Variants in BLM observed in about 807,000 individuals in gnomAD.
The protein encoded by BLM is BLM RecQ like helicase.
Under a neutral mutation model 135.3 loss-of-function variants are expected in BLM, and 95 were observed. The ratio of observed to expected loss-of-function variants is 0.70; its 90% CI spans 0.59 to 0.83. The LOEUF (loss-of-function observed/expected upper bound fraction) is 0.83, where lower values mean the gene tolerates loss of function less well. Among genes scored for constraint, BLM ranks in the 40% least tolerant of loss-of-function variants. The pLI, the probability that BLM is intolerant of heterozygous loss-of-function variation, is 0.00. For synonymous variants in BLM, 520 were observed against 589.2 expected (o/e 0.88, Z 1.70); for missense variants, 1,518 against 1,663.9 (o/e 0.91, Z 1.53).
chr15:90,808,963 C>T (rs1223575726), intron 19 of BLM, 174 bp from the exon 20 acceptor site: 1 of 808,738 alleles, frequency 1.2e-6, no homozygotes, highest in South Asian at 1.5e-5. Flanking sequence ...CCCTCTGTGC[C>T]TGTCTGCTGC....
At chr15:90,778,723 C>CAGTTGATAT (rs762469163) in intron 12 of BLM, among the ~76,000 whole-genome samples, 19 of 152,090 alleles carry the variant, frequency 1.2e-4, no homozygotes, top group Non-Finnish European at 2.5e-4. Context: ...TTTTATTCAT[C>CAGTTGATAT]AGTTGATATT....
At chr15:90,788,852 A>C (rs113352031) in intron 14 of BLM, among the ~76,000 whole-genome samples, 1 of 151,852 alleles carries the variant, frequency 6.6e-6, no homozygotes, top group Non-Finnish European at 1.5e-5. Context: ...GCACACCTGT[A>C]GTCCCAGCTT....
intron 5 of BLM, among the ~76,000 whole-genome samples, chr15:90,757,722 G>A (rs1011309030): frequency 1.3e-5 from 2 of 151,836 alleles, no homozygotes; most frequent in Non-Finnish European, 2.9e-5. Context: ...AGCCTCATCC[G>A]CTTCTCTGAT....
Position 90,760,213 on chromosome 15 carries a change from C to G in BLM, c.1154C>G (p.Thr385Ser), listed in dbSNP as rs202009716. ...GAGCACATCTGTAAATTAATTGATA[C>G]TATTCCTGATGATAAACTGAAACTT... ...VMEHICKLID[T>S]IPDDKLKLLD... The change falls in exon 6 of 22, where the codon ACT (threonine) becomes AGT (serine). Residue 385 changes from threonine to serine, a missense_variant. Coordinates refer to ENST00000355112, the MANE Select transcript of BLM (RefSeq NM_000057.4). 1 of 1,613,448 alleles carries G rather than the reference C, an allele frequency of 6.2e-7. No homozygotes were observed. Among genetic ancestry groups the G allele is most frequent in the African/African-American group, 1.3e-5 (1 of 74,828 alleles).
At chr15:90,797,938 A>G (rs891392951) in intron 16 of BLM, among the ~76,000 whole-genome samples, 1 of 152,138 alleles carries the variant, frequency 6.6e-6, no homozygotes, top group African/African-American at 2.4e-5. Context: ...TGTGTTATAT[A>G]TGTGTTTCTA....
intron 15 of BLM, among the ~76,000 whole-genome samples, chr15:90,792,352 C>A (rs904204326): frequency 6.6e-6 from 1 of 152,076 alleles, no homozygotes; most frequent in Non-Finnish European, 1.5e-5. Flanking sequence ...GTGATCTGTC[C>A]GCCTCAGCCT....
intron 5 of BLM, among the ~76,000 whole-genome samples, chr15:90,759,452 G>A (rs1895901574): frequency 6.6e-6 from 1 of 151,866 alleles, no homozygotes; most frequent in South Asian, 2.1e-4. Flanking sequence ...GTGTTGCTGG[G>A]CACAGTGGCA....
At chr15:90,754,477 T>G (rs1289956884) in intron 4 of BLM, among the ~76,000 whole-genome samples, 1 of 152,186 alleles carries the variant, frequency 6.6e-6, no homozygotes, top group Admixed American at 6.5e-5. Context: ...ACGAAGAGAT[T>G]GGAATGGCAG....
rs1329612864 is a variant in BLM, at chr15:90,729,430, G to A, written c.-5+11990G>A. 2.6e-5 allele frequency among the ~76,000 whole-genome samples: 4 copies of A among 152,186 alleles called. No homozygotes were observed. The East Asian group carries it at 7.7e-4, about 29-fold the overall frequency. On this transcript the variant is annotated intron_variant, in intron 1 of 21. Coordinates refer to ENST00000355112, the MANE Select transcript of BLM (RefSeq NM_000057.4). ...TAAAGTCAAGGTGTTGGCAGGCTGAGTTCCCTTCTGGAGGCTCAAGGGCAG... is the reference window on the plus strand; with the variant it reads ...TAAAGTCAAGGTGTTGGCAGGCTGAATTCCCTTCTGGAGGCTCAAGGGCAG...
At chr15:90,795,692 T>A (rs1229164334) in intron 16 of BLM, among the ~76,000 whole-genome samples, 1 of 152,082 alleles carries the variant, frequency 6.6e-6, no homozygotes. Flanking sequence ...TTGGGATACA[T>A]CACTAAACAA....
chr15:90,774,410 G>A (rs762851925), intron 12 of BLM, among the ~76,000 whole-genome samples: 1 of 151,764 alleles, frequency 6.6e-6, no homozygotes, highest in Admixed American at 6.6e-5. Context: ...AGTGTGTGGG[G>A]GTTGCAGTTT....
intron 15 of BLM, chr15:90,793,924 A>T: frequency 7.0e-6 from 2 of 284,064 alleles, no homozygotes; most frequent in Non-Finnish European, 1.3e-5. Flanking sequence ...TCAAACCATC[A>T]TCATTGGGGA....
chr15:90,803,510 C>T lies in BLM; in HGVS notation c.3359-11C>T. The T allele has an allele frequency of 1.2e-6, 2 of 1,606,812 alleles. No individual in the cohort carries two copies. Among genetic ancestry groups the T allele is most frequent in the Non-Finnish European group, 1.7e-6 (2 of 1,173,494 alleles). On this transcript the variant is annotated splice_polypyrimidine_tract_variant and intron_variant, in intron 17 of 21. Transcript: ENST00000355112. ...CATTTACTCATCTTACTTCCTGTAT[C>T]TTCTTATCAGGGAGTAAGAGTGCAA... is the stretch of plus-strand genomic sequence containing the variant.
intron 6 of BLM, 83 bp downstream of exon 6, chr15:90,760,362 A>G (rs1895940664): frequency 6.4e-7 from 1 of 1,572,322 alleles, no homozygotes; most frequent in Non-Finnish European, 8.7e-7. Context: ...CAAAATGTTC[A>G]GGCTTTCTGG....
At chr15:90,750,132 G>T in intron 3 of BLM, 65 bp downstream of exon 3, 1 of 1,523,304 alleles carries the variant, frequency 6.6e-7, no homozygotes. Flanking sequence ...GCTAGCCATT[G>T]GGAATAGTCA....
At chr15:90,778,808 G>A (rs188376112) in intron 12 of BLM, among the ~76,000 whole-genome samples, 47 of 151,746 alleles carry the variant, frequency 3.1e-4, no homozygotes, top group African/African-American at 1.1e-3. Context: ...TTTTTGTGTG[G>A]ACATATGTTT....
At chr15:90,769,993 G>T (rs1295263922) in intron 12 of BLM, among the ~76,000 whole-genome samples, 3 of 152,014 alleles carry the variant, frequency 2.0e-5, no homozygotes, top group African/African-American at 7.3e-5. Context: ...TGAAATGAAA[G>T]ATGACCCTGC....
chr15:90,803,544 TC>T lies in BLM; in HGVS notation c.3383del (p.Ser1128Ter), dbSNP rs777231682. On this transcript the variant is annotated frameshift_variant, in exon 18 of 22. Coordinates refer to ENST00000355112, the MANE Select transcript of BLM (RefSeq NM_000057.4). LOFTEE classifies it high-confidence loss of function. ...AGGGAGTAAGAGTGCAAAAATCCAG[TC>T]AGGTATATTTGGAAAAGGATCTGCT... ...FLGSKSAKIQ[S>X]GIFGKGSAYS... The T allele has an allele frequency of 3.7e-6, 6 of 1,613,838 alleles. No homozygotes were observed. Among genetic ancestry groups the T allele is most frequent in the Non-Finnish European group, 5.1e-6 (6 of 1,179,762 alleles).
chr15:90,765,251 C>G, intron 8 of BLM, 45 bp from the exon 9 acceptor site: 1 of 1,432,108 alleles, frequency 7.0e-7, no homozygotes. Flanking sequence ...CATTCATGCT[C>G]TGAAGACAGA....
Sources: allele counts gnomAD v4.1 joint callset (sites outside exome capture counted in the v4.1 genomes callset), GRCh38; gene constraint gnomAD v4.1.1; transcripts MANE v1.5; gene names NCBI Gene and HGNC (gene_info 2026-07-23, HGNC 2026-07-21).